MB: variants seen among roughly 807,000 people sequenced by gnomAD.
The protein encoded by MB is nitrite reductase MB.
MB carries 10 observed loss-of-function variants against 14.5 expected under a neutral mutation model. The ratio of observed to expected loss-of-function variants is 0.69; its 90% CI spans 0.43 to 1.17. The LOEUF (loss-of-function observed/expected upper bound fraction) is 1.17, where lower values mean the gene tolerates loss of function less well. MB is among the 50% of genes most tolerant of loss of function. The pLI, the probability that MB is intolerant of heterozygous loss-of-function variation, is 0.00. For missense variants in MB, 169 were observed against 192.7 expected, an observed-to-expected ratio of 0.88 and a Z score of 0.73; for synonymous variants, 89 against 78.6, an observed-to-expected ratio of 1.13 and a Z score of -0.70.
intron 1 of MB, chr22:35,622,464 T>C (rs1175972512): frequency 6.6e-6 from 1 of 152,530 alleles, no homozygotes; most frequent in African/African-American, 2.4e-5. Context: ...CCCCTCAGCA[T>C]CCATCATACT....
upstream of MB, among the ~76,000 whole-genome samples, chr22:35,620,293 T>C (rs1303215046): frequency 1.3e-5 from 2 of 152,106 alleles, no homozygotes; most frequent in Non-Finnish European, 2.9e-5. Flanking sequence ...GAGATCGCTG[T>C]ACTCCAGCCT....
chr22:35,615,274 C>A (rs2145920769), intron 1 of MB, among the ~76,000 whole-genome samples: 1 of 152,286 alleles, frequency 6.6e-6, no homozygotes, highest in South Asian at 2.1e-4. Context: ...CACCCTGCCC[C>A]CAGGGAGGCC....
rs550653769 is a variant in MB at position 35,613,054 on chromosome 22, G to A, written c.96-1948C>T. On this transcript the variant is annotated intron_variant, in intron 1 of 2. Transcript: ENST00000397326. Reference sequence around the variant, plus strand: ...CAGGACCTTATCCAAATCCTCGTGCGTCACTGACGGCTTGTCTCTGACACC... The same window carrying A: ...CAGGACCTTATCCAAATCCTCGTGCATCACTGACGGCTTGTCTCTGACACC... Among the ~76,000 whole-genome samples, 8 of 152,286 alleles carry A rather than the reference G, an allele frequency of 5.3e-5. No homozygotes were observed. The East Asian group carries it at 9.6e-4, about 18-fold the overall frequency.
chr22:35,621,277 G>A (rs536704694), upstream of MB, among the ~76,000 whole-genome samples: 1 of 152,236 alleles, frequency 6.6e-6, no homozygotes, highest in South Asian at 2.1e-4. Flanking sequence ...GGGCAAAACT[G>A]GATCCCACCA....
At chr22:35,615,963 C>T (rs960979299) in intron 1 of MB, among the ~76,000 whole-genome samples, 42 of 152,242 alleles carry the variant, frequency 2.8e-4, no homozygotes, top group Middle Eastern at 3.4e-3. Flanking sequence ...TTTTAGATAA[C>T]GGAGCTTCCA....
intron 1 of MB, among the ~76,000 whole-genome samples, chr22:35,616,771 G>GC (rs1923108523): frequency 1.3e-5 from 2 of 152,156 alleles, no homozygotes; most frequent in African/African-American, 4.8e-5. Flanking sequence ...CACTTTAAGA[G>GC]CATTTAATGA....
chr22:35,617,445 G>A (rs752470629), upstream of MB: 31 of 597,444 alleles, frequency 5.2e-5, no homozygotes, highest in Non-Finnish European at 7.7e-5. Context: ...CTCATCCAGG[G>A]AGGGTCTAAT....
chr22:35,617,733 A>G, upstream of MB: 1 of 159,950 alleles, frequency 6.3e-6, no homozygotes, highest in Non-Finnish European at 1.4e-5. Context: ...GCCCCAGGAC[A>G]GTCCTGGCCA....
chr22:35,610,338 C>A (rs1433543856), intron 2 of MB, among the ~76,000 whole-genome samples: 2 of 152,158 alleles, frequency 1.3e-5, no homozygotes, highest in African/African-American at 4.8e-5. Context: ...ATGCTGGAAC[C>A]AATAGAGCCA....
upstream of MB, among the ~76,000 whole-genome samples, chr22:35,620,379 T>G (rs377272526): frequency 5.3e-5 from 8 of 152,332 alleles, no homozygotes; most frequent in African/African-American, 1.7e-4. Flanking sequence ...CATTCATTCA[T>G]TCAGTCAGTC....
upstream of MB, chr22:35,621,846 T>C (rs1163712253): frequency 6.6e-6 from 1 of 152,104 alleles, no homozygotes; most frequent in East Asian, 1.9e-4. Context: ...GCAAGGCAAG[T>C]CGGGGGCCTC....
In MB at chr22:35,607,373, C is replaced by A. The variant is rs1176820819; in HGVS notation, c.389G>T (p.Gly130Val). 1.2e-6 allele frequency: 2 copies of A among 1,614,160 alleles called. No homozygotes were observed. The highest frequency in any genetic ancestry group is 2.2e-5 in the East Asian group (1 of 44,876). Residue 130 changes from glycine (G) to valine (V), a missense_variant, in exon 3 of 3, where the codon GGG becomes GTG. Physicochemically the swap from Gly to Val is moderately radical, Grantham distance 109. Transcript: ENST00000397326. ...HPGDFGADAQ[G>V]AMNKALELFR... ...CAGCTCCAGGGCCTTGTTCATGGCC[C>A]CCTGGGCATCAGCACCAAAGTCCCC...
intron 1 of MB, among the ~76,000 whole-genome samples, chr22:35,614,193 T>A (rs1922880804): frequency 6.6e-6 from 1 of 152,148 alleles, no homozygotes; most frequent in African/African-American, 2.4e-5. Context: ...CATTGTCAGA[T>A]CCATGAACAC....
At chr22:35,618,871 CTCCA>C (rs1197920401), upstream of MB, among the ~76,000 whole-genome samples, 2 of 151,032 alleles carry the variant, frequency 1.3e-5, no homozygotes, top group Non-Finnish European at 3.0e-5. Flanking sequence ...TCATCCCTCC[CTCCA>C]TCCATCTATC....
At chr22:35,611,804 C>T (rs574824331) in intron 1 of MB, among the ~76,000 whole-genome samples, 3 of 152,310 alleles carry the variant, frequency 2.0e-5, no homozygotes, top group African/African-American at 7.2e-5. Context: ...CAGCTTTAGA[C>T]CTCGGTCCTT....
chr22:35,613,062 C>A (rs752674454), intron 1 of MB, among the ~76,000 whole-genome samples: 3 of 152,236 alleles, frequency 2.0e-5, no homozygotes, highest in Non-Finnish European at 4.4e-5. Flanking sequence ...GCGTCACTGA[C>A]GGCTTGTCTC....
At chr22:35,617,431 CTCTCTCA>C, upstream of MB, 1 of 601,798 alleles carries the variant, frequency 1.7e-6, no homozygotes, top group Non-Finnish European at 3.0e-6. Flanking sequence ...TTCACTTTCT[CTCTCTCA>C]TCCAGGGAGG....
chr22:35,617,759 G>C (rs577227914), upstream of MB, among the ~76,000 whole-genome samples: 1 of 152,198 alleles, frequency 6.6e-6, no homozygotes, highest in African/African-American at 2.4e-5. Flanking sequence ...AACCTCTCAC[G>C]CACCTTCTGC....
intron 1 of MB, among the ~76,000 whole-genome samples, chr22:35,614,488 CA>C (rs34697597): frequency 8.5e-4 from 120 of 141,152 alleles, no homozygotes; most frequent in Admixed American, 8.4e-4. Context: ...GACTCCATCT[CA>C]AAAAAAAAAA....
Sources: gnomAD v4.1 joint callset for allele counts (sites outside exome capture counted in the v4.1 genomes callset) on GRCh38, gnomAD v4.1.1 for gene constraint, MANE v1.5 for transcripts, NCBI Gene and HGNC (gene_info 2026-07-23, HGNC 2026-07-21) for gene names.